The following ARID1B variants were observed in gnomAD, a reference collection of about 807,000 sequenced individuals.
ARID1B encodes AT-rich interaction domain 1B.
In ARID1B, 30 loss-of-function variants were observed where a neutral mutation model predicts 212.3. The observed-to-expected ratio is 0.14, with a 90% confidence interval of 0.11 to 0.19. ARID1B has a LOEUF of 0.19. Among genes scored for constraint, ARID1B ranks in the 10% least tolerant of loss-of-function variants. The pLI, the probability that ARID1B is intolerant of heterozygous loss-of-function variation, is 1.00. For missense variants in ARID1B, 2,891 were observed against 3,204.0 expected, an observed-to-expected ratio of 0.90 and a Z score of 2.36; for synonymous variants, 1,402 against 1,301.7, an observed-to-expected ratio of 1.08 and a Z score of -1.66.
rs1784477393 is a variant in ARID1B, at chr6:156,849,977, G to A, written c.1986+20556G>A. Among the ~76,000 whole-genome samples the A allele has an allele frequency of 2.0e-5, 3 of 149,872 alleles. No individual in the cohort carries two copies. The South Asian group carries it at 6.4e-4, about 32-fold the overall frequency. ...TCCTGTGGATGTTTTTGCACAAAGT[G>A]GCACCTGTTAGAGCTGGAAGTGTTC... is the stretch of plus-strand genomic sequence containing the variant. On this transcript the variant is annotated intron_variant, in intron 2 of 19. Coordinates refer to ENST00000636930, the MANE Select transcript of ARID1B (RefSeq NM_001374828.1).
intron 2 of ARID1B, among the ~76,000 whole-genome samples, chr6:156,832,948 G>A (rs1783246229): frequency 6.6e-6 from 1 of 152,102 alleles, no homozygotes; most frequent in South Asian, 2.1e-4. Context: ...TCTTTCACTT[G>A]CCAGTTCTCC....
At chr6:156,901,795 T>G in intron 3 of ARID1B, 1 of 501,424 alleles carries the variant, frequency 2.0e-6, no homozygotes, top group Non-Finnish European at 3.5e-6. Flanking sequence ...GCTTGTTCCC[T>G]GTCATTTGTG....
intron 2 of ARID1B, among the ~76,000 whole-genome samples, chr6:156,866,955 A>G (rs1785740411): frequency 6.6e-6 from 1 of 152,226 alleles, no homozygotes; most frequent in Non-Finnish European, 1.5e-5. Flanking sequence ...CTGTACAGAC[A>G]TAGGAAAGTT....
At chr6:156,981,538 G>A (rs1777604900) in intron 4 of ARID1B, among the ~76,000 whole-genome samples, 1 of 152,050 alleles carries the variant, frequency 6.6e-6, no homozygotes, top group Non-Finnish European at 1.5e-5. Flanking sequence ...TGCAATCATT[G>A]CTATATATTA....
intron 4 of ARID1B, among the ~76,000 whole-genome samples, chr6:157,021,209 C>G (rs1780224507): frequency 6.6e-6 from 1 of 152,264 alleles, no homozygotes; most frequent in African/African-American, 2.4e-5. Flanking sequence ...CACTGCGCGT[C>G]CACACCTCGC....
chr6:156,983,381 C>T (rs752039798), intron 4 of ARID1B, among the ~76,000 whole-genome samples: 3 of 152,084 alleles, frequency 2.0e-5, no homozygotes, highest in South Asian at 2.1e-4. Context: ...GGCGACAGAG[C>T]GAGGCTCAGT....
Position 156,878,535 on chromosome 6 carries a change from T to C in ARID1B, c.1987-22841T>C, listed in dbSNP as rs550320034. Among the ~76,000 whole-genome samples, 6 of 152,344 alleles carry C rather than the reference T, an allele frequency of 3.9e-5. No individual in the cohort carries two copies. In the East Asian group the frequency reaches 5.8e-4, roughly 15 times the overall value. The stretch of plus-strand genomic sequence containing the variant: ...GAAGTTCCTCCTCTCCTTGTTTCTT[T>C]GTATTACTGGCTAATGAGTCAAAGA... On this transcript the variant is annotated intron_variant, in intron 2 of 19. Coordinates refer to ENST00000636930, the MANE Select transcript of ARID1B (RefSeq NM_001374828.1).
intron 2 of ARID1B, among the ~76,000 whole-genome samples, chr6:156,871,933 A>G (rs1291442199): frequency 6.6e-6 from 1 of 152,186 alleles, no homozygotes; most frequent in Non-Finnish European, 1.5e-5. Flanking sequence ...TGGCTTATGT[A>G]TACTTAATTG....
intron 4 of ARID1B, among the ~76,000 whole-genome samples, chr6:157,008,765 C>T (rs972534644): frequency 2.6e-5 from 4 of 151,846 alleles, no homozygotes; most frequent in East Asian, 1.9e-4. Context: ...GGGAGGGGGG[C>T]GGCGCTCAGA....
At chr6:157,055,773 G>A (rs1214787818) in intron 4 of ARID1B, among the ~76,000 whole-genome samples, 1 of 152,142 alleles carries the variant, frequency 6.6e-6, no homozygotes, top group African/African-American at 2.4e-5. Flanking sequence ...TATTGTCAGG[G>A]CTGTGGTCTC....
At chr6:156,873,248 C>T (rs139848504) in intron 2 of ARID1B, among the ~76,000 whole-genome samples, 26 of 152,224 alleles carry the variant, frequency 1.7e-4, no homozygotes, top group African/African-American at 6.3e-4. Flanking sequence ...AAATTAATCA[C>T]AGGTTAGTTT....
chr6:156,796,065 T>TG (rs1180060656), intron 1 of ARID1B, among the ~76,000 whole-genome samples: 2 of 152,190 alleles, frequency 1.3e-5, no homozygotes, highest in Non-Finnish European at 2.9e-5. Context: ...TCAGCGTGTG[T>TG]GCTCCTCATC....
intron 8 of ARID1B, among the ~76,000 whole-genome samples, chr6:157,163,427 C>T (rs1791086221): frequency 6.6e-6 from 1 of 152,214 alleles, no homozygotes; most frequent in South Asian, 2.1e-4. Context: ...CAGTGGCGTG[C>T]AGTGCGAGCC....
intron 3 of ARID1B, among the ~76,000 whole-genome samples, chr6:156,909,925 G>T (rs1480082015): frequency 6.6e-6 from 1 of 152,200 alleles, no homozygotes; most frequent in African/African-American, 2.4e-5. Context: ...TACAGCTGAG[G>T]CTGAAGAGAC....
At chr6:157,156,640 C>T (rs945887216) in intron 8 of ARID1B, among the ~76,000 whole-genome samples, 10 of 152,172 alleles carry the variant, frequency 6.6e-5, no homozygotes, top group Admixed American at 1.3e-4. Context: ...CCAAGCCACT[C>T]GTGAGCGTCA....
rs17088101 is a variant in ARID1B at position 157,088,310 on chromosome 6, T to C, written c.2491+3405T>C. Among the ~76,000 whole-genome samples, 2,687 of 152,310 alleles carry C rather than the reference T, an allele frequency of 0.018. 212 individuals carry two copies. The East Asian group carries it at 0.24, about 14-fold the overall frequency. On this transcript the variant is annotated intron_variant, in intron 5 of 19. Transcript: ENST00000636930. ...GAGTAGTCCATGGCTTGAGTCCAGG[T>C]ATTACCCATTTCTCTTTGTTCCCAC...
At chr6:157,000,255 C>G (rs1176031153) in intron 4 of ARID1B, among the ~76,000 whole-genome samples, 2 of 152,166 alleles carry the variant, frequency 1.3e-5, no homozygotes, top group Non-Finnish European at 2.9e-5. Flanking sequence ...CTAAAGCTGA[C>G]TGGAGTCTGC....
At chr6:157,191,703 G>A (rs1054261075) in intron 15 of ARID1B, among the ~76,000 whole-genome samples, 9 of 152,310 alleles carry the variant, frequency 5.9e-5, no homozygotes, top group South Asian at 2.1e-4. Flanking sequence ...TTGCTCTTGC[G>A]CATTCTTCCA....
At chr6:157,070,130 TTTTC>T (rs1467296347) in intron 4 of ARID1B, among the ~76,000 whole-genome samples, 1 of 152,178 alleles carries the variant, frequency 6.6e-6, no homozygotes, top group Non-Finnish European at 1.5e-5. Context: ...TGATCATTTT[TTTTC>T]TATTTTGTTT....
Sources: allele counts gnomAD v4.1 joint callset (sites outside exome capture counted in the v4.1 genomes callset), GRCh38; gene constraint gnomAD v4.1.1; transcripts MANE v1.5; gene names NCBI Gene and HGNC (gene_info 2026-07-23, HGNC 2026-07-21).